Variants in SLFN12 observed in about 807,000 individuals in gnomAD.
The protein encoded by SLFN12 is schlafen family member 12.
SLFN12 carries 25 observed loss-of-function variants against 29.1 expected under a neutral mutation model. The observed-to-expected ratio is 0.86, with a 90% CI of 0.63 to 1.20. The LOEUF (loss-of-function observed/expected upper bound fraction) is 1.20, where lower values mean the gene tolerates loss of function less well. Ranked by LOEUF, SLFN12 falls within the 50% of genes most tolerant of loss-of-function variation. SLFN12 has a pLI of 0.00. For synonymous variants in SLFN12, 257 were observed against 238.7 expected (o/e 1.08, Z -0.71); for missense variants, 660 against 666.2 (o/e 0.99, Z 0.10).
chr17:35,411,013 A>T lies in SLFN12; in HGVS notation c.*325T>A. 5.9e-6 allele frequency: 1 copy of T among 170,924 alleles called. No individual in the cohort carries two copies. Among genetic ancestry groups the T allele is most frequent in the Non-Finnish European group, 1.2e-5 (1 of 80,988 alleles). The allele number at this position is 170,924 out of a possible 1,614,324, so 10.6% of individuals were successfully genotyped here. ...TAAGTTATAATTGTTTTCTAGGTATATGCTGGGAGATTTTCACTGTTGTCA... is the reference window on the plus strand; with the variant it reads ...TAAGTTATAATTGTTTTCTAGGTATTTGCTGGGAGATTTTCACTGTTGTCA... On this transcript the variant is annotated 3_prime_UTR_variant, in exon 4 of 4. Coordinates refer to ENST00000304905, the MANE Select transcript of SLFN12 (RefSeq NM_018042.5).
intron 3 of SLFN12, among the ~76,000 whole-genome samples, chr17:35,416,376 T>C (rs1911312991): frequency 6.6e-6 from 1 of 152,062 alleles, no homozygotes; most frequent in Non-Finnish European, 1.5e-5. Context: ...GAATGAGGGA[T>C]AGAAGACTAC....
chr17:35,426,184 T>C (rs2142047716), intron 1 of SLFN12, among the ~76,000 whole-genome samples: 1 of 152,054 alleles, frequency 6.6e-6, no homozygotes, highest in Admixed American at 6.5e-5. Flanking sequence ...CTTATATATT[T>C]TGGATATTAA....
chr17:35,413,760 A>G (rs537129947), intron 3 of SLFN12, among the ~76,000 whole-genome samples: 3 of 151,924 alleles, frequency 2.0e-5, no homozygotes, highest in Non-Finnish European at 2.9e-5. Flanking sequence ...AAAAAAAAAA[A>G]AAAAGAAAAA....
chr17:35,421,010 C>G (rs1196655193), intron 2 of SLFN12, among the ~76,000 whole-genome samples: 1 of 151,838 alleles, frequency 6.6e-6, no homozygotes, highest in Non-Finnish European at 1.5e-5. Context: ...GAGTTCGAGA[C>G]CAGCCTGGCC....
At chr17:35,421,534 C>CT (rs770181686) in intron 2 of SLFN12, among the ~76,000 whole-genome samples, 5,338 of 104,260 alleles carry the variant, frequency 0.051, 250 homozygotes, top group East Asian at 0.067. Context: ...AGGCAGGGAA[C>CT]TTTTTTTTTT....
chr17:35,428,995 G>A lies in SLFN12; in HGVS notation c.-41+3193C>T, dbSNP rs1431811962. Reference sequence around the variant, plus strand: ...GGAGAATCAGTTCCACTTCTACCCAGGCGCACAGCCCCAGCCCTACAATTT... The same window carrying A: ...GGAGAATCAGTTCCACTTCTACCCAAGCGCACAGCCCCAGCCCTACAATTT... On this transcript the variant is annotated intron_variant, in intron 1 of 3. Coordinates refer to ENST00000304905, the MANE Select transcript of SLFN12 (RefSeq NM_018042.5). Among the ~76,000 whole-genome samples the A allele has an allele frequency of 2.0e-5, 3 of 152,032 alleles. No individual in the cohort carries two copies. The South Asian group carries it at 6.2e-4, about 32-fold the overall frequency.
chr17:35,411,730 G>A lies in SLFN12; in HGVS notation c.1345C>T (p.Gln449Ter). Residue 449 changes from glutamine to a stop codon, truncating the protein, a stop_gained, in exon 4 of 4, where the codon CAG becomes TAG. Transcript: ENST00000304905. LOFTEE classifies it low-confidence loss of function (END_TRUNC). Reference protein sequence around the residue: ...KVLCDALLISQDSPPVLYTFH... With the variant: ...KVLCDALLIS ...GTGTATAGGACTGGAGGACTGTCCTGGGAAATCAGAAGAGCATCACAGAGG... is the reference window on the plus strand; with the variant it reads ...GTGTATAGGACTGGAGGACTGTCCTAGGAAATCAGAAGAGCATCACAGAGG... The A allele has an allele frequency of 6.2e-7, 1 of 1,614,030 alleles. No individual in the cohort carries two copies. Among genetic ancestry groups the A allele is most frequent in the South Asian group, 1.1e-5 (1 of 91,080 alleles).
intron 1 of SLFN12, among the ~76,000 whole-genome samples, chr17:35,425,864 T>TC (rs1911994647): frequency 7.3e-6 from 1 of 136,212 alleles, no homozygotes; most frequent in African/African-American, 2.8e-5. Context: ...TTTTTTTTTT[T>TC]CAGAAACCTC....
chr17:35,421,534 CTTTTTT>C (rs770181686), intron 2 of SLFN12, among the ~76,000 whole-genome samples: 1 of 104,296 alleles, frequency 9.6e-6, no homozygotes, highest in Admixed American at 1.0e-4. Flanking sequence ...AGGCAGGGAA[CTTTTTT>C]TTTTTTTTTT....
At chr17:35,430,047 TCTTTAAATTTTCTGGTAATG>T (rs1912223736) in intron 1 of SLFN12, among the ~76,000 whole-genome samples, 1 of 151,874 alleles carries the variant, frequency 6.6e-6, no homozygotes. Context: ...GCCCCACAGC[TCTTTAAATTTTCTGGTAATG>T]CTTTAAATTT....
In SLFN12 at chr17:35,411,124, G is replaced by A; in HGVS notation, c.*214C>T. ...CTACAGACAGAGTAAATAATACTGTGCACAGACGAGTTAACAAATTAATTT... is the reference window on the plus strand; with the variant it reads ...CTACAGACAGAGTAAATAATACTGTACACAGACGAGTTAACAAATTAATTT... On this transcript the variant is annotated 3_prime_UTR_variant, in exon 4 of 4. Coordinates refer to ENST00000304905, the MANE Select transcript of SLFN12 (RefSeq NM_018042.5). 2.3e-6 allele frequency: 1 copy of A among 438,436 alleles called. No individual in the cohort carries two copies. The highest frequency in any genetic ancestry group is 4.1e-6 in the Non-Finnish European group (1 of 246,456). 27.2% of individuals were successfully genotyped at this position (438,436 alleles called of 1,614,324 possible). A position where few individuals can be genotyped will look rare whatever the true frequency, so the allele number is the denominator to read the frequency against.
At chr17:35,429,948 A>T (rs1912212499) in intron 1 of SLFN12, among the ~76,000 whole-genome samples, 1 of 151,882 alleles carries the variant, frequency 6.6e-6, no homozygotes, top group Non-Finnish European at 1.5e-5. Flanking sequence ...GGAGGTCTGG[A>T]CACCCACCAA....
At chr17:35,428,186 C>T (rs1173334331) in intron 1 of SLFN12, among the ~76,000 whole-genome samples, 1 of 152,108 alleles carries the variant, frequency 6.6e-6, no homozygotes, top group South Asian at 2.1e-4. Flanking sequence ...AGTTAAATTA[C>T]TGTATCAAGT....
Position 35,422,112 on chromosome 17 carries a change from C to CT in SLFN12, c.916dup (p.Arg306LysfsTer12). 3 of 1,614,126 alleles carry CT rather than the reference C, an allele frequency of 1.9e-6. No homozygotes were observed. Among genetic ancestry groups the CT allele is most frequent in the Non-Finnish European group, 2.5e-6 (3 of 1,180,024 alleles). On this transcript the variant is annotated frameshift_variant, in exon 2 of 4. Coordinates refer to ENST00000304905, the MANE Select transcript of SLFN12 (RefSeq NM_018042.5). LOFTEE classifies it high-confidence loss of function. ...CACTGCACAGCAGAAGCGCTCCACT[C>CT]TGAGTGCACAGACATATCCACAAAG...
intron 3 of SLFN12, among the ~76,000 whole-genome samples, chr17:35,414,917 A>G (rs1259431231): frequency 6.6e-6 from 1 of 152,202 alleles, no homozygotes; most frequent in Non-Finnish European, 1.5e-5. Context: ...GGTAGAATCA[A>G]TATTGTGAAA....
intron 1 of SLFN12, among the ~76,000 whole-genome samples, chr17:35,428,269 G>C (rs1912119797): frequency 6.6e-6 from 1 of 152,078 alleles, no homozygotes; most frequent in African/African-American, 2.4e-5. Flanking sequence ...ATTATCGCTA[G>C]CAAATTTATC....
chr17:35,420,247 A>T, intron 3 of SLFN12, 27 bp downstream of exon 3: 1 of 1,541,634 alleles, frequency 6.5e-7, no homozygotes, highest in Non-Finnish European at 9.0e-7. Context: ...CACACTAACA[A>T]ATCCGAAGAA....
chr17:35,420,760 T>A (rs2142039291), intron 2 of SLFN12: 1 of 174,254 alleles, frequency 5.7e-6, no homozygotes, highest in East Asian at 1.8e-4. Context: ...CTAGTACTGG[T>A]CCAATTGCTA....
At chr17:35,427,262 A>C (rs577772180) in intron 1 of SLFN12, among the ~76,000 whole-genome samples, 18 of 152,242 alleles carry the variant, frequency 1.2e-4, no homozygotes, top group African/African-American at 4.1e-4. Flanking sequence ...TTGGGCATTC[A>C]TTTAGTTGCA....
Sources: gnomAD v4.1 joint callset for allele counts (sites outside exome capture counted in the v4.1 genomes callset) on GRCh38, gnomAD v4.1.1 for gene constraint, MANE v1.5 for transcripts, NCBI Gene and HGNC (gene_info 2026-07-23, HGNC 2026-07-21) for gene names.